The following TNFSF4 variants were observed in gnomAD, a reference collection of about 807,000 sequenced individuals.
TNFSF4 encodes the protein tumor necrosis factor ligand superfamily member 4.
Under a neutral mutation model 7.3 loss-of-function variants are expected in TNFSF4, and 4 were observed. That is an observed-to-expected ratio of 0.55 (90% CI 0.27 to 1.25). The LOEUF (loss-of-function observed/expected upper bound fraction) is 1.25. Among genes scored for constraint, TNFSF4 ranks in the 50% most tolerant of loss-of-function variants. The pLI is 0.12. For missense variants in TNFSF4, 181 were observed against 208.8 expected, an observed-to-expected ratio of 0.87 and a Z score of 0.82; for synonymous variants, 76 against 83.7, an observed-to-expected ratio of 0.91 and a Z score of 0.50.
the TNFSF4 span, among the ~76,000 whole-genome samples, chr1:173,310,450 A>G: frequency 6.6e-6 from 1 of 151,876 alleles, no homozygotes; most frequent in Non-Finnish European, 1.5e-5. Flanking sequence ...ACATACAGGG[A>G]TTTTTCAACT....
intron 1 of TNFSF4, among the ~76,000 whole-genome samples, chr1:173,202,928 T>C (rs1294262324): frequency 6.6e-6 from 1 of 152,032 alleles, no homozygotes; most frequent in East Asian, 1.9e-4. Context: ...CCTGCAGGTT[T>C]TCCTGACTCC....
chr1:173,364,641 A>G, the TNFSF4 span, among the ~76,000 whole-genome samples: 1 of 152,060 alleles, frequency 6.6e-6, no homozygotes, highest in Admixed American at 6.5e-5. Context: ...GTATTTTGTT[A>G]TCCAATCAGG....
the TNFSF4 span, among the ~76,000 whole-genome samples, chr1:173,355,781 G>A: frequency 6.6e-6 from 1 of 152,210 alleles, no homozygotes; most frequent in African/African-American, 2.4e-5. Flanking sequence ...GTACAGATGA[G>A]GTCCCACTGC....
the TNFSF4 span, among the ~76,000 whole-genome samples, chr1:173,325,631 AG>A: frequency 6.6e-6 from 1 of 152,170 alleles, no homozygotes; most frequent in Non-Finnish European, 1.5e-5. Context: ...AGACTAATAA[AG>A]AAGAAAAGAG....
At chr1:173,211,836 A>G (rs2102007344), upstream of TNFSF4, among the ~76,000 whole-genome samples, 1 of 152,338 alleles carries the variant, frequency 6.6e-6, no homozygotes, top group Admixed American at 6.5e-5. Flanking sequence ...AATCACTAGG[A>G]GAACTTTTTA....
At chr1:173,252,927 A>G in the TNFSF4 span, among the ~76,000 whole-genome samples, 3 of 152,192 alleles carry the variant, frequency 2.0e-5, no homozygotes, top group South Asian at 2.1e-4. Context: ...AAGTTTCAGA[A>G]CTTCCTTGAA....
the TNFSF4 span, among the ~76,000 whole-genome samples, chr1:173,295,476 T>C: frequency 6.6e-6 from 1 of 152,132 alleles, no homozygotes; most frequent in Non-Finnish European, 1.5e-5. Context: ...CTTTGAAAGC[T>C]CTTGCTCATG....
chr1:173,340,751 G>A, the TNFSF4 span, among the ~76,000 whole-genome samples: 1 of 151,630 alleles, frequency 6.6e-6, no homozygotes, highest in Non-Finnish European at 1.5e-5. Flanking sequence ...TGAGGGGGAA[G>A]AGATAAAATA....
chr1:173,400,468 A>G, the TNFSF4 span, among the ~76,000 whole-genome samples: 3 of 152,192 alleles, frequency 2.0e-5, no homozygotes, highest in East Asian at 3.8e-4. Flanking sequence ...CTTCAACTTT[A>G]TGTTCTGCCT....
chr1:173,320,945 A>G, the TNFSF4 span, among the ~76,000 whole-genome samples: 1 of 152,216 alleles, frequency 6.6e-6, no homozygotes, highest in Non-Finnish European at 1.5e-5. Flanking sequence ...ATAAGCTACC[A>G]GTGACTTTCT....
chr1:173,249,907 G>A, the TNFSF4 span, among the ~76,000 whole-genome samples: 1 of 152,120 alleles, frequency 6.6e-6, no homozygotes, highest in Non-Finnish European at 1.5e-5. Flanking sequence ...TGGCAGTATC[G>A]ATGGTAGTCA....
At chr1:173,428,218 T>C in the TNFSF4 span, among the ~76,000 whole-genome samples, 2 of 152,216 alleles carry the variant, frequency 1.3e-5, no homozygotes. Context: ...GTGCTGGGAT[T>C]ACAGGCGTGA....
At chr1:173,408,584 C>T in the TNFSF4 span, among the ~76,000 whole-genome samples, 1 of 151,804 alleles carries the variant, frequency 6.6e-6, no homozygotes, top group South Asian at 2.1e-4. Context: ...ACATTTCATG[C>T]AGAATGGAGT....
chr1:173,246,509 GC>G, the TNFSF4 span, among the ~76,000 whole-genome samples: 1 of 152,112 alleles, frequency 6.6e-6, no homozygotes, highest in Admixed American at 6.5e-5. Context: ...CAACCTAAAT[GC>G]CCATCAATGA....
chr1:173,173,063 G>A, the TNFSF4 span, among the ~76,000 whole-genome samples: 6 of 152,284 alleles, frequency 3.9e-5, no homozygotes, highest in South Asian at 2.1e-4. Flanking sequence ...TCACTATCAT[G>A]AGAACAGCTT....
At chr1:173,239,245 T>A in the TNFSF4 span, among the ~76,000 whole-genome samples, 3 of 152,126 alleles carry the variant, frequency 2.0e-5, no homozygotes, top group Non-Finnish European at 4.4e-5. Context: ...CAAGGATCCA[T>A]TAATAACTGC....
chr1:173,216,660 A>G, the TNFSF4 span, among the ~76,000 whole-genome samples: 1 of 152,212 alleles, frequency 6.6e-6, no homozygotes, highest in South Asian at 2.1e-4. Flanking sequence ...CTCCACACTC[A>G]TTACCACTGT....
chr1:173,450,226 G>C, the TNFSF4 span, among the ~76,000 whole-genome samples: 8 of 151,936 alleles, frequency 5.3e-5, no homozygotes, highest in Non-Finnish European at 1.2e-4. Context: ...GAAGAAAAAA[G>C]TTTATGTTAA....
chr1:173,378,057 G>T, the TNFSF4 span, among the ~76,000 whole-genome samples: 1 of 152,216 alleles, frequency 6.6e-6, no homozygotes, highest in African/African-American at 2.4e-5. Flanking sequence ...TTGTGGTCTA[G>T]GAGGACAGGC....
Sources: gnomAD v4.1 joint callset for allele counts (sites outside exome capture counted in the v4.1 genomes callset) on GRCh38, gnomAD v4.1.1 for gene constraint, MANE v1.5 for transcripts, NCBI Gene and HGNC (gene_info 2026-07-23, HGNC 2026-07-21) for gene names.